The following FBXL7 variants were observed in gnomAD, a reference collection of about 807,000 sequenced individuals.
The protein encoded by FBXL7 is F-box and leucine rich repeat protein 7, also known as F-box/LRR-repeat protein 7.
A neutral mutation model predicts 38.3 loss-of-function variants in FBXL7; 12 were observed. The ratio of observed to expected loss-of-function variants is 0.31; its 90% confidence interval spans 0.20 to 0.51. The LOEUF (loss-of-function observed/expected upper bound fraction) is 0.51. FBXL7 is among the 20% of genes least tolerant of loss of function. FBXL7 has a pLI of 0.98. For synonymous variants in FBXL7, 297 were observed against 300.9 expected, an observed-to-expected ratio of 0.99 and a Z score of 0.13; for missense variants, 567 against 676.4, an observed-to-expected ratio of 0.84 and a Z score of 1.79.
chr5:15,768,861 C>G (rs1326191760), intron 2 of FBXL7, among the ~76,000 whole-genome samples: 3 of 152,180 alleles, frequency 2.0e-5, no homozygotes, highest in Non-Finnish European at 2.9e-5. Flanking sequence ...ACATCAAAGT[C>G]TAGAAATGTG....
At chr5:15,748,268 A>C (rs542334908) in intron 2 of FBXL7, among the ~76,000 whole-genome samples, 2 of 152,364 alleles carry the variant, frequency 1.3e-5, no homozygotes, top group Admixed American at 6.5e-5. Flanking sequence ...AAAGTGCCAG[A>C]GTTAAAGAAC....
intron 2 of FBXL7, among the ~76,000 whole-genome samples, chr5:15,871,669 T>C (rs1387022795): frequency 6.6e-6 from 1 of 152,032 alleles, no homozygotes; most frequent in Non-Finnish European, 1.5e-5. Flanking sequence ...CAAGTATCAA[T>C]AGCTGAATTG....
At position 15,928,209 on chromosome 5, in the gene FBXL7, G is replaced by T. The variant is rs1296688308; in HGVS notation, c.447G>T (p.Trp149Cys). 5.6e-6 allele frequency: 9 copies of T among 1,610,018 alleles called. No individual in the cohort carries two copies. Among genetic ancestry groups the T allele is most frequent in the Non-Finnish European group, 7.6e-6 (9 of 1,178,492 alleles). ...GCCGCCGCTGGTACAACCTGGCCTG[G>T]GACCCGCGGCTCTGGAGGACTATCC... The part of the protein sequence containing the change: ...RVCRRWYNLA[W>C]DPRLWRTIRL... Residue 149 changes from tryptophan to cysteine, a missense_variant, in exon 3 of 4, where the codon TGG becomes TGT. By Grantham distance (215) the Trp-to-Cys change is radical. Coordinates refer to ENST00000504595, the MANE Select transcript of FBXL7 (RefSeq NM_012304.5). The surrounding 1 kb of genome is among the most constrained non-coding windows in gnomAD (Gnocchi z 4.0).
chr5:15,751,473 G>C (rs1294919711), intron 2 of FBXL7, among the ~76,000 whole-genome samples: 1 of 152,128 alleles, frequency 6.6e-6, no homozygotes, highest in Non-Finnish European at 1.5e-5. Context: ...ATCTACAAAT[G>C]GTTTTGATTC....
At chr5:15,539,881 G>A (rs926543698) in intron 1 of FBXL7, among the ~76,000 whole-genome samples, 11 of 152,056 alleles carry the variant, frequency 7.2e-5, no homozygotes, top group African/African-American at 2.7e-4. Flanking sequence ...TTCTGTTTAT[G>A]GATTTTTAGA....
intron 2 of FBXL7, among the ~76,000 whole-genome samples, chr5:15,806,877 T>C (rs1477511007): frequency 6.6e-6 from 1 of 152,222 alleles, no homozygotes; most frequent in Non-Finnish European, 1.5e-5. Flanking sequence ...AGCTGCCCTG[T>C]TGTCAAATGT....
At chr5:15,581,244 T>C (rs1739129682) in intron 1 of FBXL7, among the ~76,000 whole-genome samples, 1 of 152,202 alleles carries the variant, frequency 6.6e-6, no homozygotes, top group African/African-American at 2.4e-5. Flanking sequence ...GGCTATTCTT[T>C]ATTATGTCAT....
At chr5:15,800,996 G>C (rs1354877832) in intron 2 of FBXL7, among the ~76,000 whole-genome samples, 2 of 152,182 alleles carry the variant, frequency 1.3e-5, no homozygotes, top group Non-Finnish European at 2.9e-5. Flanking sequence ...CATAGGGCAG[G>C]ATAGCAGTTT....
intron 2 of FBXL7, among the ~76,000 whole-genome samples, chr5:15,892,118 C>T (rs921815014): frequency 6.6e-6 from 1 of 152,202 alleles, no homozygotes; most frequent in Non-Finnish European, 1.5e-5. Flanking sequence ...CAGCACAAAG[C>T]GCAGAGCACA....
At chr5:15,890,215 C>A (rs1442826141) in intron 2 of FBXL7, among the ~76,000 whole-genome samples, 1 of 152,034 alleles carries the variant, frequency 6.6e-6, no homozygotes, top group African/African-American at 2.4e-5. Flanking sequence ...ACCTGAGCTC[C>A]ACCACCTGTC....
chr5:15,761,261 T>C (rs1324035888), intron 2 of FBXL7, among the ~76,000 whole-genome samples: 1 of 152,188 alleles, frequency 6.6e-6, no homozygotes, highest in Non-Finnish European at 1.5e-5. Context: ...TCCTTTTTCC[T>C]CTCTTTAAAA....
At chr5:15,861,677 A>T (rs1739479100) in intron 2 of FBXL7, among the ~76,000 whole-genome samples, 1 of 152,316 alleles carries the variant, frequency 6.6e-6, no homozygotes, top group South Asian at 2.1e-4. Flanking sequence ...GAAGAGAGAG[A>T]GCTGGTAGCA....
At chr5:15,900,158 GAAAT>G (rs1370039512) in intron 2 of FBXL7, among the ~76,000 whole-genome samples, 1 of 151,810 alleles carries the variant, frequency 6.6e-6, no homozygotes, top group African/African-American at 2.4e-5. Flanking sequence ...TTTACACGAA[GAAAT>G]AAATAATTAA....
intron 2 of FBXL7, among the ~76,000 whole-genome samples, chr5:15,630,733 C>A (rs1175171677): frequency 6.6e-6 from 1 of 152,064 alleles, no homozygotes; most frequent in African/African-American, 2.4e-5. Context: ...TTCATCAAAT[C>A]TCAGAAATTT....
intron 2 of FBXL7, among the ~76,000 whole-genome samples, chr5:15,668,368 TTGTGTG>T (rs148728974): frequency 0.016 from 2,395 of 145,746 alleles, 43 homozygotes; most frequent in African/African-American, 0.047. Context: ...ATATTTGTGT[TTGTGTG>T]TGTGTGTGTG....
chr5:15,887,469 T>C (rs1250415527), intron 2 of FBXL7, among the ~76,000 whole-genome samples: 2 of 152,174 alleles, frequency 1.3e-5, no homozygotes, highest in African/African-American at 2.4e-5. Flanking sequence ...TGCACATACA[T>C]AGGAATTGCC....
chr5:15,688,016 G>A (rs911877284), intron 2 of FBXL7, among the ~76,000 whole-genome samples: 10 of 152,184 alleles, frequency 6.6e-5, no homozygotes, highest in African/African-American at 2.4e-4. Flanking sequence ...TACCTTCAGA[G>A]CAAAGCATGC....
chr5:15,614,916 T>C (rs1436755269), intron 1 of FBXL7, among the ~76,000 whole-genome samples: 1 of 152,186 alleles, frequency 6.6e-6, no homozygotes, highest in Middle Eastern at 3.2e-3. Context: ...CCCAGAATAA[T>C]ATGCCTTGTC....
chr5:15,641,942 TGTG>T (rs1375087579), intron 2 of FBXL7, among the ~76,000 whole-genome samples: 2 of 3,112 alleles, frequency 6.4e-4, no homozygotes, highest in South Asian at 0.012. Flanking sequence ...CATAAAACCT[TGTG>T]TGTGTGTGTG....
Sources: gnomAD v4.1 joint callset for allele counts (sites outside exome capture counted in the v4.1 genomes callset) on GRCh38, gnomAD v4.1.1 for gene constraint, Gnocchi (gnomAD v3.1) non-coding constraint, MANE v1.5 for transcripts, NCBI Gene and HGNC (gene_info 2026-07-23, HGNC 2026-07-21) for gene names.